The following TAS2R1 variants were observed in gnomAD, a reference collection of about 807,000 sequenced individuals.
TAS2R1 encodes the protein taste receptor type 2 member 1.
For missense variants in TAS2R1, 370 were observed against 353.4 expected (o/e 1.05, Z -0.38); for synonymous variants, 141 against 134.2 (o/e 1.05, Z -0.35).
the TAS2R1 span, among the ~76,000 whole-genome samples, chr5:9,856,942 C>A: frequency 6.6e-6 from 1 of 152,192 alleles, no homozygotes. Flanking sequence ...CAATGGAATA[C>A]TATTCAGCCA....
At chr5:9,853,467 T>C in the TAS2R1 span, among the ~76,000 whole-genome samples, 11 of 152,198 alleles carry the variant, frequency 7.2e-5, no homozygotes, top group African/African-American at 2.7e-4. Flanking sequence ...GGCAGTAACT[T>C]CCAGGTGTTG....
the TAS2R1 span, among the ~76,000 whole-genome samples, chr5:9,737,792 T>C: frequency 6.6e-6 from 1 of 152,222 alleles, no homozygotes. Context: ...AACCTTTTAA[T>C]ACACAAGTCA....
the TAS2R1 span, among the ~76,000 whole-genome samples, chr5:9,859,278 G>C: frequency 6.6e-6 from 1 of 152,160 alleles, no homozygotes; most frequent in Non-Finnish European, 1.5e-5. Flanking sequence ...AGCCACGAAA[G>C]AAACCAAATG....
At chr5:9,829,504 T>C in the TAS2R1 span, among the ~76,000 whole-genome samples, 7 of 152,174 alleles carry the variant, frequency 4.6e-5, no homozygotes, top group Non-Finnish European at 8.8e-5. Context: ...CAAAATCATA[T>C]CTGTTTCTAG....
intron 1 of TAS2R1, among the ~76,000 whole-genome samples, chr5:9,667,178 G>T (rs1378718031): frequency 6.6e-6 from 1 of 152,148 alleles, no homozygotes; most frequent in South Asian, 2.1e-4. Context: ...TTACAGTCAG[G>T]ACTTTAAAAG....
the TAS2R1 span, among the ~76,000 whole-genome samples, chr5:9,806,752 G>T: frequency 2.6e-5 from 4 of 152,128 alleles, no homozygotes; most frequent in South Asian, 8.3e-4. Flanking sequence ...ATCAACTCAA[G>T]ATAAATCAAA....
Position 9,628,997 on chromosome 5 carries a change from C to A in TAS2R1, c.*136G>T. 1 of 890,048 alleles carries A rather than the reference C, an allele frequency of 1.1e-6. No individual in the cohort carries two copies. Among genetic ancestry groups the A allele is most frequent in the South Asian group, 3.0e-5 (1 of 33,352 alleles). 55.1% of individuals were successfully genotyped at this position (890,048 alleles called of 1,614,324 possible). On this transcript the variant is annotated 3_prime_UTR_variant, in exon 1 of 1. Coordinates refer to ENST00000382492, the MANE Select transcript of TAS2R1 (RefSeq NM_019599.3). ...AAAAGTAGCATATCCACAGAAATAC[C>A]TCAGGCTGGATAAACAGGCCTGAAG...
At chr5:9,664,487 G>A (rs901184124) in intron 1 of TAS2R1, among the ~76,000 whole-genome samples, 13 of 152,074 alleles carry the variant, frequency 8.5e-5, no homozygotes, top group Non-Finnish European at 1.0e-4. Context: ...TATAAACCAC[G>A]GTATATATTC....
At chr5:9,840,022 TG>T in the TAS2R1 span, among the ~76,000 whole-genome samples, 1 of 152,196 alleles carries the variant, frequency 6.6e-6, no homozygotes, top group Non-Finnish European at 1.5e-5. Flanking sequence ...TGACTTTGAA[TG>T]GGTTGTGATT....
chr5:9,670,947 T>G (rs1336907778), intron 1 of TAS2R1, among the ~76,000 whole-genome samples: 2 of 152,154 alleles, frequency 1.3e-5, no homozygotes, highest in East Asian at 3.9e-4. Flanking sequence ...TCCACCATGA[T>G]CAAGTAGACT....
intron 1 of TAS2R1, among the ~76,000 whole-genome samples, chr5:9,684,887 A>G (rs181087313): frequency 6.6e-6 from 1 of 152,356 alleles, no homozygotes; most frequent in East Asian, 1.9e-4. Flanking sequence ...CTTTGAAATC[A>G]AATAATACAA....
upstream of TAS2R1, among the ~76,000 whole-genome samples, chr5:9,633,301 TA>T (rs1561364945): frequency 8.7e-6 from 1 of 115,118 alleles, no homozygotes; most frequent in African/African-American, 4.0e-5. Context: ...ATATTATATA[TA>T]TATATATATA....
At chr5:9,842,316 CTTTT>C in the TAS2R1 span, among the ~76,000 whole-genome samples, 1 of 116,232 alleles carries the variant, frequency 8.6e-6, no homozygotes, top group Non-Finnish European at 1.7e-5. Context: ...TTCTTTCTCT[CTTTT>C]TTTTTTTTTT....
chr5:9,633,129 T>C (rs894146864), upstream of TAS2R1, among the ~76,000 whole-genome samples: 1 of 151,648 alleles, frequency 6.6e-6, no homozygotes, highest in Admixed American at 6.6e-5. Context: ...GATTTCCTTG[T>C]ACATTTCCAT....
At chr5:9,825,824 A>AT in the TAS2R1 span, among the ~76,000 whole-genome samples, 25 of 152,000 alleles carry the variant, frequency 1.6e-4, no homozygotes, top group African/African-American at 2.4e-4. Context: ...GCTTAATCCT[A>AT]TTTTTTTTGT....
chr5:9,741,083 T>C, the TAS2R1 span, among the ~76,000 whole-genome samples: 3 of 152,214 alleles, frequency 2.0e-5, no homozygotes, highest in Non-Finnish European at 4.4e-5. Flanking sequence ...CATGCCATTC[T>C]TCATCAACCA....
chr5:9,742,659 C>A, the TAS2R1 span, among the ~76,000 whole-genome samples: 1 of 152,126 alleles, frequency 6.6e-6, no homozygotes, highest in African/African-American at 2.4e-5. Flanking sequence ...AGGTTGTTTT[C>A]ATAAATAGAC....
chr5:9,864,639 A>G, the TAS2R1 span, among the ~76,000 whole-genome samples: 1 of 150,138 alleles, frequency 6.7e-6, no homozygotes, highest in Non-Finnish European at 1.5e-5. Flanking sequence ...ACTCAAAAAA[A>G]AAAAAAAGAA....
chr5:9,724,001 C>T, the TAS2R1 span, among the ~76,000 whole-genome samples: 1 of 152,224 alleles, frequency 6.6e-6, no homozygotes. Flanking sequence ...AGTCTTTCTC[C>T]TGTTGGGATG....
Sources: gnomAD v4.1 joint callset for allele counts (sites outside exome capture counted in the v4.1 genomes callset) on GRCh38, gnomAD v4.1.1 for gene constraint, MANE v1.5 for transcripts, NCBI Gene and HGNC (gene_info 2026-07-23, HGNC 2026-07-21) for gene names.